PCDH15: variants seen among roughly 807,000 people sequenced by gnomAD.
The protein encoded by PCDH15 is protocadherin-15.
PCDH15 carries 129 observed loss-of-function variants against 178.5 expected under a neutral mutation model. The observed-to-expected ratio is 0.72, with a 90% confidence interval of 0.63 to 0.84. The LOEUF is 0.84. PCDH15 is among the 40% of genes least tolerant of loss of function. PCDH15 has a pLI of 0.00. For missense variants in PCDH15, 2,230 were observed against 2,099.9 expected (o/e 1.06, Z -1.21); for synonymous variants, 800 against 732.0 (o/e 1.09, Z -1.50).
At chr10:55,490,826 A>G (rs1840395770) in intron 2 of PCDH15, among the ~76,000 whole-genome samples, 1 of 151,826 alleles carries the variant, frequency 6.6e-6, no homozygotes, top group Non-Finnish European at 1.5e-5. Context: ...AAACACAAAT[A>G]AAATCACGTT....
chr10:54,454,193 T>C (rs2076666465), intron 3 of PCDH15, among the ~76,000 whole-genome samples: 1 of 149,446 alleles, frequency 6.7e-6, no homozygotes, highest in Non-Finnish European at 1.5e-5. Flanking sequence ...ATATATTTAA[T>C]TTTTAATTAC....
At chr10:54,723,176 T>C (rs1430426703) in intron 1 of PCDH15, among the ~76,000 whole-genome samples, 1 of 151,592 alleles carries the variant, frequency 6.6e-6, no homozygotes, top group Non-Finnish European at 1.5e-5. Flanking sequence ...GTAATTAAGA[T>C]AGCATGCTAC....
intron 8 of PCDH15, among the ~76,000 whole-genome samples, chr10:54,251,830 T>C (rs2056500351): frequency 6.6e-6 from 1 of 151,902 alleles, no homozygotes; most frequent in Non-Finnish European, 1.5e-5. Context: ...ATTTCATTTT[T>C]CTTCTGTATC....
At chr10:54,416,660 C>A (rs976293746) in intron 3 of PCDH15, among the ~76,000 whole-genome samples, 6 of 152,086 alleles carry the variant, frequency 3.9e-5, no homozygotes, top group African/African-American at 1.4e-4. Flanking sequence ...ATTGTTGGGT[C>A]AAATGGTATT....
intron 1 of PCDH15, among the ~76,000 whole-genome samples, chr10:55,230,583 A>G (rs111734083): frequency 2.5e-4 from 38 of 152,216 alleles, no homozygotes; most frequent in African/African-American, 8.9e-4. Flanking sequence ...AGCAGGGTAT[A>G]AAAGGAGATT....
At chr10:54,694,152 A>G (rs577603464) in intron 1 of PCDH15, among the ~76,000 whole-genome samples, 213 of 152,264 alleles carry the variant, frequency 1.4e-3, no homozygotes, top group African/African-American at 5.0e-3. Flanking sequence ...TGTTAATACG[A>G]TTATAATATA....
rs1945396050 is a variant in PCDH15 at position 54,358,369 on chromosome 10, C to T, written c.474+10751G>A. Among the ~76,000 whole-genome samples the T allele has an allele frequency of 2.6e-5, 4 of 151,970 alleles. No individual in the cohort carries two copies. The South Asian group carries it at 8.3e-4, about 31-fold the overall frequency. On this transcript the variant is annotated intron_variant, in intron 5 of 37. Transcript: ENST00000644397. ...GGGCAAAGGACATGAACAGACACTTCTCAAAAGAAGACATTTATGCAGCCA... is the reference window on the plus strand; with the variant it reads ...GGGCAAAGGACATGAACAGACACTTTTCAAAAGAAGACATTTATGCAGCCA...
intron 2 of PCDH15, among the ~76,000 whole-genome samples, chr10:55,327,740 T>C (rs1395147874): frequency 6.6e-6 from 1 of 152,070 alleles, no homozygotes; most frequent in African/African-American, 2.4e-5. Flanking sequence ...ATTTAACATA[T>C]GCATGTTAAT....
chr10:55,157,182 C>T (rs1240364713), intron 2 of PCDH15, among the ~76,000 whole-genome samples: 2 of 152,112 alleles, frequency 1.3e-5, no homozygotes, highest in Admixed American at 6.6e-5. Context: ...GACATTTATG[C>T]ATCCAACAGA....
At chr10:55,204,287 A>T (rs1385156397) in intron 1 of PCDH15, among the ~76,000 whole-genome samples, 10 of 150,462 alleles carry the variant, frequency 6.6e-5, no homozygotes, top group Admixed American at 2.0e-4. Flanking sequence ...AATGTATTGA[A>T]TTTTATGTAT....
intron 25 of PCDH15, among the ~76,000 whole-genome samples, chr10:53,924,198 G>A (rs933560012): frequency 5.9e-5 from 9 of 152,178 alleles, no homozygotes; most frequent in Non-Finnish European, 1.2e-4. Flanking sequence ...GCGCAGGCGG[G>A]AACCGGGGCT....
intron 2 of PCDH15, among the ~76,000 whole-genome samples, chr10:55,438,037 G>A (rs1839088406): frequency 6.6e-6 from 1 of 151,780 alleles, no homozygotes; most frequent in African/African-American, 2.4e-5. Flanking sequence ...GTTTCTCCAT[G>A]TTGGTCAGGC....
In PCDH15 at chr10:54,346,220, A is replaced by G. The variant is rs1025030964; in HGVS notation, c.594+145T>C. 1.2e-5 allele frequency: 10 copies of G among 800,096 alleles called. No homozygotes were observed. The Middle Eastern group carries it at 2.2e-3, about 173-fold the overall frequency. The allele number at this position is 800,096 out of a possible 1,614,324, so 49.6% of individuals were successfully genotyped here. On this transcript the variant is annotated intron_variant, in intron 6 of 37. Transcript: ENST00000644397. The stretch of plus-strand genomic sequence containing the variant: ...CAATAAAGCATAAATATTACAAATA[A>G]TTCAATTTTGAGACATTTTTAAATA...
chr10:55,016,262 A>G (rs1233283076), intron 2 of PCDH15, among the ~76,000 whole-genome samples: 1 of 152,110 alleles, frequency 6.6e-6, no homozygotes, highest in Non-Finnish European at 1.5e-5. Context: ...AAAACAATCC[A>G]ATTACACTCT....
At chr10:55,527,438 TA>T (rs1039675393) in intron 2 of PCDH15, among the ~76,000 whole-genome samples, 1 of 151,970 alleles carries the variant, frequency 6.6e-6, no homozygotes, top group African/African-American at 2.4e-5. Flanking sequence ...ACTCCTTTTT[TA>T]AAAAATAAAA....
At chr10:54,398,151 C>T (rs188782812) in intron 3 of PCDH15, among the ~76,000 whole-genome samples, 28 of 151,352 alleles carry the variant, frequency 1.8e-4, no homozygotes, top group African/African-American at 4.4e-4. Context: ...TTATTTTTGC[C>T]TGTCTTTAAG....
At chr10:55,388,224 A>G (rs532806584) in intron 2 of PCDH15, among the ~76,000 whole-genome samples, 62 of 152,148 alleles carry the variant, frequency 4.1e-4, no homozygotes, top group African/African-American at 1.4e-3. Flanking sequence ...ATTCCTATAA[A>G]TTGGGACTTC....
intron 2 of PCDH15, among the ~76,000 whole-genome samples, chr10:54,972,875 A>G (rs1405056233): frequency 1.3e-5 from 2 of 148,974 alleles, no homozygotes; most frequent in Non-Finnish European, 3.0e-5. Context: ...AAAAAAGAAT[A>G]CTCAGAGATT....
intron 2 of PCDH15, among the ~76,000 whole-genome samples, chr10:55,071,492 G>A (rs1046019879): frequency 9.2e-5 from 14 of 152,156 alleles, no homozygotes; most frequent in African/African-American, 3.1e-4. Flanking sequence ...GATAAAAAGA[G>A]ACAAAGAAGG....
Sources: gnomAD v4.1 joint callset for allele counts (sites outside exome capture counted in the v4.1 genomes callset) on GRCh38, gnomAD v4.1.1 for gene constraint, MANE v1.5 for transcripts, NCBI Gene and HGNC (gene_info 2026-07-23, HGNC 2026-07-21) for gene names.